The following ZNF462 variants were observed in gnomAD, a reference collection of about 807,000 sequenced individuals.
The protein encoded by ZNF462 is zinc finger protein 462.
In ZNF462, 10 loss-of-function variants were observed where a neutral mutation model predicts 201.9. The ratio of observed to expected loss-of-function variants is 0.05; its 90% CI spans 0.03 to 0.08. The LOEUF is 0.08. ZNF462 is among the 10% of genes least tolerant of loss of function. ZNF462 has a pLI of 1.00. For missense variants in ZNF462, 2,523 were observed against 3,168.3 expected, an observed-to-expected ratio of 0.80 and a Z score of 4.89; for synonymous variants, 1,227 against 1,193.3, an observed-to-expected ratio of 1.03 and a Z score of -0.58.
At chr9:106,940,821 G>A (rs1007902483) in intron 7 of ZNF462, among the ~76,000 whole-genome samples, 13 of 151,894 alleles carry the variant, frequency 8.6e-5, no homozygotes, top group Non-Finnish European at 1.8e-4. Context: ...CCTGTGGAAG[G>A]GTAAAGAAAA....
intron 10 of ZNF462, among the ~76,000 whole-genome samples, chr9:107,001,658 C>T (rs1246203099): frequency 2.0e-5 from 3 of 152,062 alleles, no homozygotes; most frequent in Admixed American, 6.6e-5. Flanking sequence ...CTTTGGAAAC[C>T]GTTACTGTGG....
chr9:106,921,554 G>C (rs1829992101), intron 1 of ZNF462, among the ~76,000 whole-genome samples: 1 of 152,192 alleles, frequency 6.6e-6, no homozygotes, highest in African/African-American at 2.4e-5. Flanking sequence ...CTTCAGTGAC[G>C]CAGGAGCTCA....
chr9:106,891,371 A>G (rs940757173), intron 1 of ZNF462, among the ~76,000 whole-genome samples: 6 of 152,158 alleles, frequency 3.9e-5, no homozygotes, highest in African/African-American at 1.4e-4. Context: ...GTCCTCTGAA[A>G]GTTTAAAAAC....
In ZNF462 at chr9:106,932,664, T is replaced by C. The variant is rs1270735893; in HGVS notation, c.6116+115T>C. Reference sequence around the variant, plus strand: ...GAAGGCCCCACTCATGGTTCACACCTGCTGCTATGTTACCTGGAGCCTCAG... The same window carrying C: ...GAAGGCCCCACTCATGGTTCACACCCGCTGCTATGTTACCTGGAGCCTCAG... On this transcript the variant is annotated intron_variant, in intron 5 of 12. Transcript: ENST00000277225. This position sits in a 1 kb window ranked among gnomAD's most constrained non-coding sequence, Gnocchi z 6.8. 11 of 1,310,856 alleles carry C rather than the reference T, an allele frequency of 8.4e-6. No homozygotes were observed. The highest frequency in any genetic ancestry group is 1.5e-5 in the African/African-American group (1 of 68,278). The allele number at this position is 1,310,856 out of a possible 1,614,324, so 81.2% of individuals were successfully genotyped here.
rs1321096483 is a variant in ZNF462 at position 106,920,286 on chromosome 9, C to T, written c.-30-3068C>T. 1.3e-5 allele frequency among the ~76,000 whole-genome samples: 2 copies of T among 152,136 alleles called. No individual in the cohort carries two copies. The highest frequency in any genetic ancestry group is 2.9e-5 in the Non-Finnish European group (2 of 68,026). On this transcript the variant is annotated intron_variant, in intron 1 of 12. Transcript: ENST00000277225. This position sits in a 1 kb window ranked among gnomAD's most constrained non-coding sequence, Gnocchi z 4.3. ...CCCCTCCACTTGCTGTCACTTTTTG[C>T]ACATGTGCCCATGTACCATCTCATA... is the stretch of plus-strand genomic sequence containing the variant.
rs1828544788 is a variant in ZNF462 at position 106,890,829 on chromosome 9, G to T, written c.-31+27474G>T. On this transcript the variant is annotated intron_variant, in intron 1 of 12. Transcript: ENST00000277225. The surrounding 1 kb of genome is among the most constrained non-coding windows in gnomAD (Gnocchi z 4.2). ...TATCATGAGATTACCACATACTCTT[G>T]CCTGGAATCTTGCCAGCAATAGTGA... Among the ~76,000 whole-genome samples, 2 of 152,132 alleles carry T rather than the reference G, an allele frequency of 1.3e-5. No homozygotes were observed. Among genetic ancestry groups the T allele is most frequent in the Non-Finnish European group, 2.9e-5 (2 of 68,024 alleles).
chr9:106,862,538 C>A (rs966719142), upstream of ZNF462, among the ~76,000 whole-genome samples: 1 of 146,820 alleles, frequency 6.8e-6, no homozygotes, highest in Non-Finnish European at 1.5e-5. The surrounding 1 kb of genome is among the most constrained non-coding windows in gnomAD (Gnocchi z 4.2). Context: ...TTCTCCTTCT[C>A]CTTTGCCTCC....
Position 106,974,553 on chromosome 9 carries a change from A to G in ZNF462, c.6832+280A>G. 1 of 486,942 alleles carries G rather than the reference A, an allele frequency of 2.1e-6. No homozygotes were observed. Among genetic ancestry groups the G allele is most frequent in the Non-Finnish European group, 3.8e-6 (1 of 265,018 alleles). The allele number at this position is 486,942 out of a possible 1,614,324, so 30.2% of individuals were successfully genotyped here. A position where few individuals can be genotyped will look rare whatever the true frequency, so the allele number is the denominator to read the frequency against. On this transcript the variant is annotated intron_variant, in intron 9 of 12. Transcript: ENST00000277225. The surrounding 1 kb of genome is among the most constrained non-coding windows in gnomAD (Gnocchi z 4.0). ...CATGGGGGATTTGTACATTCTGACA[A>G]TTCTGCCACCCACAGCCTTGCGTAG...
chr9:106,985,545 T>C (rs771078227), intron 10 of ZNF462, among the ~76,000 whole-genome samples: 1 of 152,164 alleles, frequency 6.6e-6, no homozygotes, highest in Non-Finnish European at 1.5e-5. Flanking sequence ...GGAGCTATAA[T>C]TAGTATTTGT....
chr9:106,935,172 C>G lies in ZNF462; in HGVS notation c.6117-331C>G, dbSNP rs1465713972. Among the ~76,000 whole-genome samples the G allele has an allele frequency of 6.6e-6, 1 of 152,132 alleles. No homozygotes were observed. Among genetic ancestry groups the G allele is most frequent in the African/African-American group, 2.4e-5 (1 of 41,428 alleles). On this transcript the variant is annotated intron_variant, in intron 5 of 12. Coordinates refer to ENST00000277225, the MANE Select transcript of ZNF462 (RefSeq NM_021224.6). The surrounding 1 kb of genome is among the most constrained non-coding windows in gnomAD (Gnocchi z 4.1). ...ACTGGCTTGGCAGGAAGCTTGAATT[C>G]ACCCATATTGTACCTTCTCTTTAGA...
rs1160341527 is a variant in ZNF462, at chr9:106,895,692, A to G, written c.-30-27662A>G. On this transcript the variant is annotated intron_variant, in intron 1 of 12. Coordinates refer to ENST00000277225, the MANE Select transcript of ZNF462 (RefSeq NM_021224.6). This position sits in a 1 kb window ranked among gnomAD's most constrained non-coding sequence, Gnocchi z 4.4. Reference sequence around the variant, plus strand: ...CCCATTATACAGGTCAGGAAGTTGGAGGTCCTGTTGTCTTTCTTTGCTAAA... The same window carrying G: ...CCCATTATACAGGTCAGGAAGTTGGGGGTCCTGTTGTCTTTCTTTGCTAAA... Among the ~76,000 whole-genome samples, 1 of 152,156 alleles carries G rather than the reference A, an allele frequency of 6.6e-6. No homozygotes were observed. The highest frequency in any genetic ancestry group is 2.4e-5 in the African/African-American group (1 of 41,436).
rs2131322130 is a variant in ZNF462, at chr9:106,913,117, T to G, written c.-30-10237T>G. 6.6e-6 allele frequency among the ~76,000 whole-genome samples: 1 copy of G among 152,286 alleles called. No individual in the cohort carries two copies. The highest frequency in any genetic ancestry group is 2.4e-5 in the African/African-American group (1 of 41,552). Reference sequence around the variant, plus strand: ...TGGAACAATGCAGCCAGAGGCAGCTTCTCCATGGATGATGAGGAAAAGGAG... The same window carrying G: ...TGGAACAATGCAGCCAGAGGCAGCTGCTCCATGGATGATGAGGAAAAGGAG... On this transcript the variant is annotated intron_variant, in intron 1 of 12. Transcript: ENST00000277225. This position sits in a 1 kb window ranked among gnomAD's most constrained non-coding sequence, Gnocchi z 4.1.
rs980805476 is a variant in ZNF462 at position 106,962,343 on chromosome 9, A to G, written c.6428-9662A>G. On this transcript the variant is annotated intron_variant, in intron 7 of 12. Transcript: ENST00000277225. This position sits in a 1 kb window ranked among gnomAD's most constrained non-coding sequence, Gnocchi z 4.6. ...TGAATCAAGGATTTATTCTGATTTC[A>G]TTGACTGGGTGAATGAATGGTGATG... Among the ~76,000 whole-genome samples the G allele has an allele frequency of 2.0e-5, 3 of 152,054 alleles. No homozygotes were observed. Among genetic ancestry groups the G allele is most frequent in the African/African-American group, 4.8e-5 (2 of 41,426 alleles).
rs774156330 is a variant in ZNF462 at position 106,917,190 on chromosome 9, C to A, written c.-30-6164C>A. ...CCGGAATGACTTCTTATTTACATAT[C>A]CAACATTTTTAGCCACTTGGATTAC... On this transcript the variant is annotated intron_variant, in intron 1 of 12. Coordinates refer to ENST00000277225, the MANE Select transcript of ZNF462 (RefSeq NM_021224.6). The surrounding 1 kb of genome is among the most constrained non-coding windows in gnomAD (Gnocchi z 4.5). 1.4e-4 allele frequency among the ~76,000 whole-genome samples: 21 copies of A among 152,214 alleles called. No homozygotes were observed. Among genetic ancestry groups the A allele is most frequent in the Non-Finnish European group, 3.1e-4 (21 of 68,044 alleles).
Position 107,003,944 on chromosome 9 carries a change from GAGAA to G in ZNF462, c.7189+522_7189+525del, listed in dbSNP as rs1829373416. On this transcript the variant is annotated intron_variant, in intron 11 of 12. Transcript: ENST00000277225. The surrounding 1 kb of genome is among the most constrained non-coding windows in gnomAD (Gnocchi z 4.4). ...TGCTCTGACTTGCTTTGTAAGGAGA[GAGAA>G]AGAGAGACCACCTCTTTCATTCAAC... Among the ~76,000 whole-genome samples, 1 of 152,250 alleles carries G rather than the reference GAGAA, an allele frequency of 6.6e-6. No individual in the cohort carries two copies. The highest frequency in any genetic ancestry group is 2.4e-5 in the African/African-American group (1 of 41,556).
Position 106,983,777 on chromosome 9 carries a change from G to A in ZNF462, c.6833-409G>A, listed in dbSNP as rs143756363. On this transcript the variant is annotated intron_variant, in intron 9 of 12. Coordinates refer to ENST00000277225, the MANE Select transcript of ZNF462 (RefSeq NM_021224.6). Reference sequence around the variant, plus strand: ...GTTTCTTTCCCCATTAAAGACATCTGTAAGTCCAGCCTCAGTTGCACTTGC... The same window carrying A: ...GTTTCTTTCCCCATTAAAGACATCTATAAGTCCAGCCTCAGTTGCACTTGC... Among the ~76,000 whole-genome samples the A allele has an allele frequency of 6.3e-3, 956 of 152,324 alleles. 5 individuals are homozygous for A. Among genetic ancestry groups the A allele is most frequent in the Admixed American group, 9.6e-3 (147 of 15,304 alleles).
chr9:106,948,293 T>C (rs1415946351), intron 7 of ZNF462, among the ~76,000 whole-genome samples: 1 of 152,150 alleles, frequency 6.6e-6, no homozygotes, highest in East Asian at 1.9e-4. Flanking sequence ...TTGGATTTAT[T>C]AAGAAACAGA....
intron 7 of ZNF462, among the ~76,000 whole-genome samples, chr9:106,943,259 A>G (rs1830965522): frequency 6.6e-6 from 1 of 152,190 alleles, no homozygotes; most frequent in Admixed American, 6.5e-5. Context: ...TTCCTTTTGT[A>G]CCGATTTTTA....
chr9:106,932,369 A>T lies in ZNF462; in HGVS notation c.6013-77A>T. On this transcript the variant is annotated intron_variant, in intron 4 of 12. Transcript: ENST00000277225. The surrounding 1 kb of genome is among the most constrained non-coding windows in gnomAD (Gnocchi z 6.8). ...GTGGATGGTGAACACTGCTTGCTTG[A>T]TGGAATGTTGGAGGATGAAACCCGG... 1 of 1,603,536 alleles carries T rather than the reference A, an allele frequency of 6.2e-7. No homozygotes were observed. The highest frequency in any genetic ancestry group is 8.5e-7 in the Non-Finnish European group (1 of 1,174,762).
Sources: allele counts gnomAD v4.1 joint callset (sites outside exome capture counted in the v4.1 genomes callset), GRCh38; gene constraint gnomAD v4.1.1; non-coding constraint Gnocchi (gnomAD v3.1); transcripts MANE v1.5; gene names NCBI Gene and HGNC (gene_info 2026-07-23, HGNC 2026-07-21).